Variants in NRP2 observed in about 807,000 individuals in gnomAD.
The protein encoded by NRP2 is neuropilin-2.
In NRP2, 52 loss-of-function variants were observed where a neutral mutation model predicts 110.4. That is an observed-to-expected ratio of 0.47 (90% confidence interval 0.38 to 0.59). NRP2 has a LOEUF of 0.59. NRP2 is among the 20% of genes least tolerant of loss of function. The pLI, the probability that NRP2 is intolerant of heterozygous loss-of-function variation, is 0.00. For missense variants in NRP2, 1,049 were observed against 1,203.0 expected, an observed-to-expected ratio of 0.87 and a Z score of 1.89; for synonymous variants, 508 against 468.9, an observed-to-expected ratio of 1.08 and a Z score of -1.08.
chr2:205,717,294 A>G (rs531849489), intron 3 of NRP2, among the ~76,000 whole-genome samples: 114 of 152,152 alleles, frequency 7.5e-4, no homozygotes, highest in African/African-American at 2.6e-3. Flanking sequence ...TCCCCCCAGC[A>G]GCCCAAGTTT....
At chr2:205,726,620 A>G (rs2057133937) in intron 6 of NRP2, among the ~76,000 whole-genome samples, 1 of 152,114 alleles carries the variant, frequency 6.6e-6, no homozygotes, top group African/African-American at 2.4e-5. Flanking sequence ...TCTTCAGACC[A>G]TTGTTTGCTT....
chr2:205,754,783 G>A (rs977624330), intron 12 of NRP2, among the ~76,000 whole-genome samples: 5 of 143,848 alleles, frequency 3.5e-5, no homozygotes, highest in African/African-American at 1.3e-4. Flanking sequence ...GTGCATGAGT[G>A]TGTTTGTGGT....
intron 2 of NRP2, among the ~76,000 whole-genome samples, chr2:205,702,439 G>A (rs1384391690): frequency 2.0e-5 from 3 of 152,206 alleles, no homozygotes; most frequent in Non-Finnish European, 4.4e-5. Flanking sequence ...AGCAACAGAG[G>A]ATGGAGTTCT....
At chr2:205,730,614 T>C (rs3771034) in intron 7 of NRP2, among the ~76,000 whole-genome samples, 95,881 of 151,888 alleles carry the variant, frequency 0.63, 33,065 homozygotes, top group East Asian at 0.84. Context: ...GCCTTCCCGG[T>C]GTGCAGGGAA....
At chr2:205,749,662 C>T in intron 10 of NRP2, 63 bp from the exon 11 acceptor site, 2 of 1,304,868 alleles carry the variant, frequency 1.5e-6, no homozygotes, top group South Asian at 2.4e-5. Flanking sequence ...TGGCATCTTC[C>T]TCCTGCTGGG....
intron 15 of NRP2, among the ~76,000 whole-genome samples, chr2:205,769,539 C>CACAG (rs1386845022): frequency 1.3e-5 from 2 of 151,264 alleles, no homozygotes; most frequent in Admixed American, 1.3e-4. Flanking sequence ...CACACACACA[C>CACAG]AGACACATTG....
chr2:205,770,874 C>T (rs751135021), intron 15 of NRP2, among the ~76,000 whole-genome samples: 10 of 152,120 alleles, frequency 6.6e-5, no homozygotes, highest in Non-Finnish European at 1.2e-4. Flanking sequence ...GCCATCCTTC[C>T]CCAGGGGACA....
Position 205,683,955 on chromosome 2 carries a change from G to A in NRP2, c.73+592G>A, listed in dbSNP as rs10164557. On this transcript the variant is annotated intron_variant, in intron 1 of 16. Coordinates refer to ENST00000357785, the MANE Select transcript of NRP2 (RefSeq NM_003872.3). ...AGGGGCTTGGGGTTGGGTGCTGCTGGCAACCAAGACGGTTGGTCTCTTCTC... is the reference window on the plus strand; with the variant it reads ...AGGGGCTTGGGGTTGGGTGCTGCTGACAACCAAGACGGTTGGTCTCTTCTC... Among the ~76,000 whole-genome samples the A allele has an allele frequency of 3.8e-3, 573 of 152,336 alleles. 2 individuals are homozygous for A. Among genetic ancestry groups the A allele is most frequent in the African/African-American group, 0.013 (530 of 41,564 alleles).
At chr2:205,767,339 G>C (rs2057941978) in intron 15 of NRP2, 1 of 487,030 alleles carries the variant, frequency 2.1e-6, no homozygotes, top group Admixed American at 2.2e-5. Context: ...TACGGTGGCA[G>C]GCTGCTTGTA....
At chr2:205,750,479 G>T (rs537906833) in intron 11 of NRP2, among the ~76,000 whole-genome samples, 1 of 152,162 alleles carries the variant, frequency 6.6e-6, no homozygotes, top group Non-Finnish European at 1.5e-5. Context: ...CAGGGGCTCC[G>T]CATTTCTGGA....
At chr2:205,745,652 G>T (rs940762723) in intron 9 of NRP2, 94 bp from the exon 10 acceptor site, 3 of 1,461,046 alleles carry the variant, frequency 2.1e-6, no homozygotes. Context: ...CTAGCAGGAC[G>T]TGCGGGGCAG....
At chr2:205,712,884 G>T (rs932168862) in intron 2 of NRP2, among the ~76,000 whole-genome samples, 3 of 152,202 alleles carry the variant, frequency 2.0e-5, no homozygotes. Flanking sequence ...AGTAAGGTTT[G>T]TTGATTATTT....
At chr2:205,793,738 T>A (rs1378525975) in intron 16 of NRP2, among the ~76,000 whole-genome samples, 1 of 152,196 alleles carries the variant, frequency 6.6e-6, no homozygotes, top group African/African-American at 2.4e-5. Context: ...TCCACCCTCA[T>A]GACCTTATTT....
chr2:205,773,359 T>C (rs1299287806), intron 15 of NRP2, among the ~76,000 whole-genome samples: 1 of 152,212 alleles, frequency 6.6e-6, no homozygotes, highest in Non-Finnish European at 1.5e-5. Flanking sequence ...TCTAACCTCT[T>C]GACATTAAAA....
chr2:205,693,170 G>T (rs1002911700), intron 1 of NRP2, among the ~76,000 whole-genome samples: 1 of 152,162 alleles, frequency 6.6e-6, no homozygotes, highest in African/African-American at 2.4e-5. Context: ...CTGTAGATAA[G>T]AAATAAATTA....
chr2:205,697,506 A>G lies in NRP2; in HGVS notation c.74-38A>G, dbSNP rs746073365. 24 of 1,577,546 alleles carry G rather than the reference A, an allele frequency of 1.5e-5. No individual in the cohort carries two copies. The East Asian group carries it at 3.8e-4, about 25-fold the overall frequency. On this transcript the variant is annotated intron_variant, in intron 1 of 16. Coordinates refer to ENST00000357785, the MANE Select transcript of NRP2 (RefSeq NM_003872.3). ...AGTGTGGGGGGAAGAAAGTTGTAAC[A>G]TATTTGAAGTTCTTTGGGTCGTTGA...
intron 3 of NRP2, among the ~76,000 whole-genome samples, chr2:205,719,582 A>T (rs1384924783): frequency 6.6e-6 from 1 of 152,042 alleles, no homozygotes; most frequent in Non-Finnish European, 1.5e-5. Context: ...TCCTTTAACC[A>T]TAAGTTCAAG....
chr2:205,776,990 G>C (rs1253124890), intron 15 of NRP2: 14 of 1,056,302 alleles, frequency 1.3e-5, no homozygotes, highest in Non-Finnish European at 1.6e-5. Flanking sequence ...GTGTGTGAGA[G>C]AGCGGCTGGT....
intron 1 of NRP2, among the ~76,000 whole-genome samples, chr2:205,687,659 A>C (rs1407607451): frequency 6.6e-6 from 1 of 152,182 alleles, no homozygotes; most frequent in Non-Finnish European, 1.5e-5. Context: ...GCTACGGAGC[A>C]CTCAACTGGC....
Sources: gnomAD v4.1 joint callset for allele counts (sites outside exome capture counted in the v4.1 genomes callset) on GRCh38, gnomAD v4.1.1 for gene constraint, MANE v1.5 for transcripts, NCBI Gene and HGNC (gene_info 2026-07-23, HGNC 2026-07-21) for gene names.